The following SNX13 variants were observed in gnomAD, a reference collection of about 807,000 sequenced individuals.
SNX13 encodes the protein sorting nexin-13.
In SNX13, 45 loss-of-function variants were observed where a neutral mutation model predicts 133.6. The ratio of observed to expected loss-of-function variants is 0.34; its 90% confidence interval spans 0.27 to 0.43. The LOEUF is 0.43. Ranked by LOEUF, SNX13 falls within the 20% of genes least tolerant of loss-of-function variation. The pLI is 1.00. For synonymous variants in SNX13, 414 were observed against 373.9 expected, an observed-to-expected ratio of 1.11 and a Z score of -1.24; for missense variants, 1,032 against 1,145.1, an observed-to-expected ratio of 0.90 and a Z score of 1.43.
intron 8 of SNX13, among the ~76,000 whole-genome samples, chr7:17,872,311 T>A (rs528350277): frequency 6.6e-6 from 1 of 151,664 alleles, no homozygotes; most frequent in African/African-American, 2.4e-5. Context: ...AAGGAGAAAA[T>A]AGAGTTTCAA....
chr7:17,906,462 G>C (rs1360963100), intron 1 of SNX13, among the ~76,000 whole-genome samples: 5 of 151,700 alleles, frequency 3.3e-5, no homozygotes, highest in African/African-American at 4.8e-5. Context: ...AAAACCATTT[G>C]ATCAAAATTT....
chr7:17,917,229 G>A (rs1799657351), intron 1 of SNX13, among the ~76,000 whole-genome samples: 1 of 152,070 alleles, frequency 6.6e-6, no homozygotes, highest in Admixed American at 6.6e-5. Flanking sequence ...GCAAAAGCTG[G>A]AAGCATTCCC....
chr7:17,845,131 G>A (rs1236911712), intron 12 of SNX13, among the ~76,000 whole-genome samples: 7 of 145,468 alleles, frequency 4.8e-5, no homozygotes, highest in Non-Finnish European at 1.1e-4. Flanking sequence ...GGTAAGGGGA[G>A]AAGCAAGTGT....
At chr7:17,856,788 A>C (rs1791943351) in intron 9 of SNX13, among the ~76,000 whole-genome samples, 1 of 147,482 alleles carries the variant, frequency 6.8e-6, no homozygotes, top group African/African-American at 2.5e-5. Context: ...ACTCTCTTAA[A>C]AAAAAAAAAA....
At position 17,875,753 on chromosome 7, in the gene SNX13, G is replaced by C; in HGVS notation, c.478C>G (p.Arg160Gly). ...TGTGTGCCAAAGTCATCTACAATGC[G>C]TGTAGTAAAATAAGGTTGCCAGTCT... ...EIDWQPYFTT[R>G]IVDDFGTHLR... is the part of the protein sequence containing the mutation. Residue 160 changes from arginine to glycine, a missense_variant, in exon 6 of 26, where the codon CGC (arginine) becomes GGC (glycine). Coordinates refer to ENST00000428135, the MANE Select transcript of SNX13 (RefSeq NM_015132.5). 1 of 1,609,392 alleles carries C rather than the reference G, an allele frequency of 6.2e-7. No homozygotes were observed. The highest frequency in any genetic ancestry group is 8.5e-7 in the Non-Finnish European group (1 of 1,177,188).
intron 8 of SNX13, 40 bp downstream of exon 8, chr7:17,873,488 A>G: frequency 2.9e-6 from 4 of 1,389,848 alleles, no homozygotes; most frequent in South Asian, 1.6e-5. Context: ...ACTGCTCTAC[A>G]TTTTTTTGCA....
intron 1 of SNX13, among the ~76,000 whole-genome samples, chr7:17,902,777 C>A (rs1339549295): frequency 1.3e-5 from 2 of 152,174 alleles, no homozygotes; most frequent in South Asian, 2.1e-4. Flanking sequence ...CCATTAGGAA[C>A]TGGGCCGCAC....
chr7:17,820,724 G>T (rs1006047887), intron 18 of SNX13, among the ~76,000 whole-genome samples: 1 of 152,070 alleles, frequency 6.6e-6, no homozygotes, highest in Non-Finnish European at 1.5e-5. Context: ...TCATTTCAAA[G>T]CTTTAGCTCA....
intron 9 of SNX13, among the ~76,000 whole-genome samples, chr7:17,865,935 A>C (rs1252133121): frequency 6.6e-6 from 1 of 152,210 alleles, no homozygotes; most frequent in Non-Finnish European, 1.5e-5. Flanking sequence ...CTGGATATCG[A>C]TACGCAGAGG....
intron 1 of SNX13, among the ~76,000 whole-genome samples, chr7:17,935,141 C>T (rs1475285188): frequency 6.6e-6 from 1 of 152,050 alleles, no homozygotes; most frequent in Non-Finnish European, 1.5e-5. Context: ...AATGGATAAA[C>T]AGATGAAGAA....
chr7:17,899,041 G>A (rs1236542279), intron 1 of SNX13: 1 of 152,174 alleles, frequency 6.6e-6, no homozygotes, highest in African/African-American at 2.4e-5. Flanking sequence ...GAGCGGGTAA[G>A]TAGGACATAG....
Position 17,902,420 on chromosome 7 carries a change from T to C in SNX13, c.13-4974A>G, listed in dbSNP as rs117269519. ...TTAACTTCAAATGTTAAACTGTTCATTGAAACATCAGAATAGCGAATTGTC... is the reference window on the plus strand; with the variant it reads ...TTAACTTCAAATGTTAAACTGTTCACTGAAACATCAGAATAGCGAATTGTC... On this transcript the variant is annotated intron_variant, in intron 1 of 25. Transcript: ENST00000428135. Among the ~76,000 whole-genome samples the C allele has an allele frequency of 1.2e-3, 184 of 152,286 alleles. 3 individuals are homozygous for C. The East Asian group carries it at 0.032, about 26-fold the overall frequency.
At chr7:17,881,232 T>G (rs1201697466) in intron 5 of SNX13, 1 of 122,532 alleles carries the variant, frequency 8.2e-6, no homozygotes, top group African/African-American at 3.3e-5. Context: ...AGACACTATA[T>G]GTACAACACA....
intron 4 of SNX13, 119 bp from the exon 5 acceptor site, chr7:17,890,603 A>G: frequency 1.7e-6 from 1 of 592,482 alleles, no homozygotes; most frequent in Admixed American, 3.8e-5. Flanking sequence ...GTATTAATTT[A>G]TGGTGGTAAA....
At chr7:17,854,098 G>A (rs967902072) in intron 9 of SNX13, among the ~76,000 whole-genome samples, 6 of 152,144 alleles carry the variant, frequency 3.9e-5, no homozygotes, top group African/African-American at 1.4e-4. Flanking sequence ...CTAAGTAAAT[G>A]TATGAGTGTA....
chr7:17,920,309 T>C (rs1308873637), intron 1 of SNX13, among the ~76,000 whole-genome samples: 1 of 152,176 alleles, frequency 6.6e-6, no homozygotes, highest in Non-Finnish European at 1.5e-5. Flanking sequence ...AAACAAACTG[T>C]TACCAAATTT....
At chr7:17,854,942 C>T (rs976966329) in intron 9 of SNX13, among the ~76,000 whole-genome samples, 3 of 152,114 alleles carry the variant, frequency 2.0e-5, no homozygotes, top group African/African-American at 7.2e-5. Flanking sequence ...AGACTTAAAG[C>T]TTGGTCTCTT....
rs556672500 is a variant in SNX13, at chr7:17,918,278, C to T, written c.13-20832G>A. ...ATGCAACAATACCAAAAATTGACAA[C>T]TGAGACATAATTAAACTAAAGACCT... is the stretch of plus-strand genomic sequence containing the variant. On this transcript the variant is annotated intron_variant, in intron 1 of 25. Coordinates refer to ENST00000428135, the MANE Select transcript of SNX13 (RefSeq NM_015132.5). Among the ~76,000 whole-genome samples the T allele has an allele frequency of 2.0e-5, 3 of 152,134 alleles. No individual in the cohort carries two copies. In the South Asian group the frequency reaches 6.2e-4, roughly 32 times the overall value.
intron 1 of SNX13, among the ~76,000 whole-genome samples, chr7:17,909,159 T>C (rs1798688787): frequency 6.6e-6 from 1 of 152,004 alleles, no homozygotes; most frequent in Admixed American, 6.6e-5. Context: ...TGAGATACCA[T>C]CTCACGCCAG....
Sources: allele counts gnomAD v4.1 joint callset (sites outside exome capture counted in the v4.1 genomes callset), GRCh38; gene constraint gnomAD v4.1.1; transcripts MANE v1.5; gene names NCBI Gene and HGNC (gene_info 2026-07-23, HGNC 2026-07-21).